GPR137C: variants seen among roughly 807,000 people sequenced by gnomAD.
The protein encoded by GPR137C is integral membrane protein GPR137C.
Under a neutral mutation model 43.4 loss-of-function variants are expected in GPR137C, and 27 were observed. That is an observed-to-expected ratio of 0.62 (90% CI 0.46 to 0.86). GPR137C has a LOEUF of 0.86. GPR137C is among the 40% of genes least tolerant of loss of function. GPR137C has a pLI of 0.00. For synonymous variants in GPR137C, 285 were observed against 226.9 expected (o/e 1.26, Z -2.30); for missense variants, 522 against 534.6 (o/e 0.98, Z 0.23).
chr14:52,633,467 T>C, intron 4 of GPR137C, 63 bp from the exon 5 acceptor site: 1 of 1,427,854 alleles, frequency 7.0e-7, no homozygotes, highest in Non-Finnish European at 9.8e-7. Flanking sequence ...ACAAGTTAAC[T>C]GTGGAGGTGA....
At chr14:52,578,966 A>G (rs1594787807) in intron 1 of GPR137C, among the ~76,000 whole-genome samples, 1 of 151,492 alleles carries the variant, frequency 6.6e-6, no homozygotes, top group Non-Finnish European at 1.5e-5. Context: ...AAAAGAATGG[A>G]AACTCTGAGC....
chr14:52,566,430 A>G (rs10134584), intron 1 of GPR137C, among the ~76,000 whole-genome samples: 5,878 of 152,240 alleles, frequency 0.039, 367 homozygotes, highest in African/African-American at 0.13. Context: ...GCCCTATTTT[A>G]GGTTGTTTCA....
intron 1 of GPR137C, among the ~76,000 whole-genome samples, chr14:52,569,715 A>G (rs1442513956): frequency 6.6e-6 from 1 of 151,918 alleles, no homozygotes; most frequent in African/African-American, 2.4e-5. Context: ...AACTTAATGA[A>G]ATAAAGCGTG....
intron 3 of GPR137C, among the ~76,000 whole-genome samples, chr14:52,629,845 G>C (rs2039274468): frequency 6.6e-6 from 1 of 152,126 alleles, no homozygotes; most frequent in African/African-American, 2.4e-5. Context: ...AAACACTATT[G>C]AACTCCAATG....
At chr14:52,558,692 C>T (rs969553038) in intron 1 of GPR137C, among the ~76,000 whole-genome samples, 1 of 152,148 alleles carries the variant, frequency 6.6e-6, no homozygotes, top group South Asian at 2.1e-4. Context: ...ATACATAGTA[C>T]ACAATAATTA....
chr14:52,626,721 A>T (rs1325186080), intron 3 of GPR137C, among the ~76,000 whole-genome samples: 1 of 152,190 alleles, frequency 6.6e-6, no homozygotes, highest in East Asian at 1.9e-4. Flanking sequence ...TAAGGAGAAC[A>T]TCTTAAGGCA....
intron 3 of GPR137C, among the ~76,000 whole-genome samples, chr14:52,605,716 G>A (rs1199483420): frequency 6.6e-6 from 1 of 152,096 alleles, no homozygotes; most frequent in African/African-American, 2.4e-5. Flanking sequence ...GCTGAGGTAT[G>A]TTCTGTACCC....
intron 3 of GPR137C, among the ~76,000 whole-genome samples, chr14:52,629,525 G>A (rs1013674876): frequency 6.6e-6 from 1 of 152,166 alleles, no homozygotes; most frequent in African/African-American, 2.4e-5. Flanking sequence ...ACTAACTCCT[G>A]ATAGATACAT....
At chr14:52,605,115 A>G (rs1401856115) in intron 3 of GPR137C, among the ~76,000 whole-genome samples, 1 of 152,130 alleles carries the variant, frequency 6.6e-6, no homozygotes, top group Non-Finnish European at 1.5e-5. Flanking sequence ...ATTTTGACAG[A>G]TATTTCATTG....
At position 52,553,250 on chromosome 14, in the gene GPR137C, G is replaced by A. The variant is rs772955576; in HGVS notation, c.103G>A (p.Ala35Thr). The change falls in exon 1 of 7, where the codon GCA (alanine) becomes ACA (threonine). Residue 35 changes from alanine (A) to threonine (T), a missense_variant. Coordinates refer to ENST00000321662, the MANE Select transcript of GPR137C (RefSeq NM_001099652.2). ...CAGCGGAGGCGGAGGCGCCGTCGCTGCAGCCTCAGGCGCCGCGGTGCCGGG... is the reference window on the plus strand; with the variant it reads ...CAGCGGAGGCGGAGGCGCCGTCGCTACAGCCTCAGGCGCCGCGGTGCCGGG... ...GGSGGGGAVA[A>T]ASGAAVPGSV... The A allele has an allele frequency of 3.5e-5, 47 of 1,349,578 alleles. No homozygotes were observed. Among genetic ancestry groups the A allele is most frequent in the South Asian group, 1.8e-5 (1 of 56,192 alleles). 83.6% of individuals were successfully genotyped at this position (1,349,578 alleles called of 1,614,324 possible).
intron 1 of GPR137C, among the ~76,000 whole-genome samples, chr14:52,583,118 A>G (rs2038669266): frequency 6.6e-6 from 1 of 152,188 alleles, no homozygotes; most frequent in Non-Finnish European, 1.5e-5. Context: ...CTGGAAAGAT[A>G]CAGCCCATCT....
intron 6 of GPR137C, among the ~76,000 whole-genome samples, 190 bp from the exon 7 acceptor site, chr14:52,634,748 A>G (rs563726406): frequency 1.3e-5 from 2 of 152,290 alleles, no homozygotes; most frequent in African/African-American, 2.4e-5. Flanking sequence ...ACTGCGATAT[A>G]GAATCCAGGA....
At chr14:52,566,644 C>T (rs1010877333) in intron 1 of GPR137C, among the ~76,000 whole-genome samples, 1 of 152,192 alleles carries the variant, frequency 6.6e-6, no homozygotes, top group Non-Finnish European at 1.5e-5. Flanking sequence ...AGCAGGAAAT[C>T]CTTTTGCCCA....
intron 1 of GPR137C, among the ~76,000 whole-genome samples, chr14:52,567,710 T>A (rs1032933883): frequency 3.7e-4 from 56 of 151,340 alleles, no homozygotes; most frequent in African/African-American, 1.3e-3. Flanking sequence ...CCCAGTCTCT[T>A]GTGCAGTGGC....
rs141645851 is a variant in GPR137C, at chr14:52,632,390, C to T, written c.867+81C>T. The T allele has an allele frequency of 1.7e-4, 159 of 954,740 alleles. No homozygotes were observed. The East Asian group carries it at 3.7e-3, about 22-fold the overall frequency. The allele number at this position is 954,740 out of a possible 1,614,324, so 59.1% of individuals were successfully genotyped here. ...TCTAGAAGAACACTGTAGTGTTTGA[C>T]TTACAAACACATTTATGGAATCTCT... On this transcript the variant is annotated intron_variant, in intron 4 of 6. Transcript: ENST00000321662.
At chr14:52,563,520 T>C (rs1566602080) in intron 1 of GPR137C, among the ~76,000 whole-genome samples, 1 of 152,142 alleles carries the variant, frequency 6.6e-6, no homozygotes, top group Non-Finnish European at 1.5e-5. Flanking sequence ...CAGTTCTGCC[T>C]GTAATCCCAG....
chr14:52,556,518 G>C (rs925901736), intron 1 of GPR137C, among the ~76,000 whole-genome samples: 3 of 148,444 alleles, frequency 2.0e-5, no homozygotes, highest in African/African-American at 7.4e-5. Context: ...TTGAGAGAGA[G>C]GGGGAAAAAA....
At chr14:52,563,209 T>G (rs2038312861) in intron 1 of GPR137C, among the ~76,000 whole-genome samples, 1 of 152,218 alleles carries the variant, frequency 6.6e-6, no homozygotes, top group Admixed American at 6.5e-5. Flanking sequence ...GATAGCTTCT[T>G]TGTAAGCTCA....
At chr14:52,632,577 A>G (rs545084457) in intron 4 of GPR137C, among the ~76,000 whole-genome samples, 94 of 152,068 alleles carry the variant, frequency 6.2e-4, no homozygotes, top group African/African-American at 2.1e-3. Flanking sequence ...TCATATGCTA[A>G]TTTTACTTAT....
Sources: allele counts gnomAD v4.1 joint callset (sites outside exome capture counted in the v4.1 genomes callset), GRCh38; gene constraint gnomAD v4.1.1; transcripts MANE v1.5; gene names NCBI Gene and HGNC (gene_info 2026-07-23, HGNC 2026-07-21).